Variants in PCNX3 observed in about 807,000 individuals in gnomAD.
PCNX3 encodes the protein pecanex-like protein 3.
A neutral mutation model predicts 207.2 loss-of-function variants in PCNX3; 58 were observed. That is an observed-to-expected ratio of 0.28 (90% confidence interval 0.23 to 0.35). PCNX3 has a LOEUF of 0.35. Among genes scored for constraint, PCNX3 ranks in the 10% least tolerant of loss-of-function variants. The pLI is 1.00. For missense variants in PCNX3, 2,410 were observed against 2,774.4 expected (o/e 0.87, Z 2.95); for synonymous variants, 1,337 against 1,183.5 (o/e 1.13, Z -2.66).
At position 65,627,554 on chromosome 11, in the gene PCNX3, A is replaced by G; in HGVS notation, c.3674A>G (p.Tyr1225Cys). The part of the protein sequence containing the change: ...PRLSQGFLLD[Y>C]FLMSLLCSKL... ...CTCTCCCAGGGCTTTCTGCTTGACTACTTCCTCATGTCCCTGCTTTGCAGC... is the reference window on the plus strand; with the variant it reads ...CTCTCCCAGGGCTTTCTGCTTGACTGCTTCCTCATGTCCCTGCTTTGCAGC... Residue 1225 changes from tyrosine (Y) to cysteine (C), a missense_variant, in exon 22 of 35, where the codon TAC becomes TGC. By Grantham distance (194) the Tyr-to-Cys change is radical (BLOSUM62 -2). This residue lies in a region of PCNX3 where 333 missense variants were observed against 386.8 expected (regional missense o/e 0.86). Coordinates refer to ENST00000355703, the MANE Select transcript of PCNX3 (RefSeq NM_032223.4). The G allele has an allele frequency of 1.9e-6, 3 of 1,613,670 alleles. No homozygotes were observed. The highest frequency in any genetic ancestry group is 2.5e-6 in the Non-Finnish European group (3 of 1,179,826).
chr11:65,636,626 G>T lies in PCNX3; in HGVS notation c.5829G>T (p.Gly1943=), dbSNP rs1285292127. The T allele has an allele frequency of 6.3e-7, 1 of 1,586,774 alleles. No individual in the cohort carries two copies. The highest frequency in any genetic ancestry group is 8.6e-7 in the Non-Finnish European group (1 of 1,168,798). The part of the protein sequence containing the change: ...SGKWSLGGRK[G]LGGSDGEPAS... ...AGTGGAGCCTGGGGGGCCGGAAGGG[G>T]CTGGGAGGATCTGACGGGGAGCCAG... Residue 1943 remains glycine, a synonymous_variant, in exon 34 of 35, where the codon GGG becomes GGT. Coordinates refer to ENST00000355703, the MANE Select transcript of PCNX3 (RefSeq NM_032223.4).
At position 65,617,245 on chromosome 11, in the gene PCNX3, G is replaced by T. The variant is rs371504980; in HGVS notation, c.342-5G>T. The stretch of plus-strand genomic sequence containing the variant: ...CTCAAAGCTGCTGCTCTTTTTCACC[G>T]CCAGGGACCCCGGAGTGGAGATGAC... On this transcript the variant is annotated splice_region_variant and splice_polypyrimidine_tract_variant and intron_variant, in intron 2 of 34. Transcript: ENST00000355703. The T allele has an allele frequency of 3.1e-6, 5 of 1,597,592 alleles. No individual in the cohort carries two copies. Among genetic ancestry groups the T allele is most frequent in the Non-Finnish European group, 3.4e-6 (4 of 1,172,266 alleles).
chr11:65,629,789 G>A (rs1855546664), intron 26 of PCNX3, 54 bp downstream of exon 26: 15 of 1,528,380 alleles, frequency 9.8e-6, no homozygotes, highest in Non-Finnish European at 1.3e-5. Flanking sequence ...CCTGATGTGG[G>A]AGCTGTGTTC....
chr11:65,635,477 C>T lies in PCNX3; in HGVS notation c.5184+29C>T. ...GGGCCGGCCCCACCTGCCCTAAGCC[C>T]TGCCCCAAACCCCCTTGGGCCGGCC... On this transcript the variant is annotated intron_variant, in intron 31 of 34. Coordinates refer to ENST00000355703, the MANE Select transcript of PCNX3 (RefSeq NM_032223.4). The surrounding 1 kb of genome is among the most constrained non-coding windows in gnomAD (Gnocchi z 9.9). 1 of 1,607,174 alleles carries T rather than the reference C, an allele frequency of 6.2e-7. No homozygotes were observed. Among genetic ancestry groups the T allele is most frequent in the Admixed American group, 1.7e-5 (1 of 59,638 alleles).
intron 11 of PCNX3, among the ~76,000 whole-genome samples, chr11:65,622,797 T>A (rs1855178283): frequency 6.6e-6 from 1 of 151,844 alleles, no homozygotes; most frequent in South Asian, 2.1e-4. Context: ...AGAGATGGGG[T>A]TTCACAGTGT....
In PCNX3 at chr11:65,616,285, G is replaced by T. The variant is rs772335580; in HGVS notation, c.-27G>T. ...CCGCCCCCATGAGGGTCCCGGGAGG[G>T]GGGGCGCGGGCAGCAGCGGCGGGGC... On this transcript the variant is annotated 5_prime_UTR_variant, in exon 1 of 35. Transcript: ENST00000355703. 1.6e-4 allele frequency: 253 copies of T among 1,540,554 alleles called. 1 individual carries two copies. Among genetic ancestry groups the T allele is most frequent in the Non-Finnish European group, 2.1e-4 (242 of 1,150,864 alleles).
intron 15 of PCNX3, 45 bp from the exon 16 acceptor site, chr11:65,624,880 G>A (rs777725569): frequency 2.6e-6 from 4 of 1,553,320 alleles, no homozygotes; most frequent in Non-Finnish European, 3.5e-6. Context: ...TTGAGGTGGG[G>A]TACCTGCAAG....
At position 65,637,116 on chromosome 11, in the gene PCNX3, C is replaced by T; in HGVS notation, c.*138C>T. 1.1e-6 allele frequency: 1 copy of T among 939,290 alleles called. No homozygotes were observed. Among genetic ancestry groups the T allele is most frequent in the Non-Finnish European group, 1.6e-6 (1 of 631,752 alleles). 58.2% of individuals were successfully genotyped at this position (939,290 alleles called of 1,614,324 possible). ...CCTTTGGCTGCCTTGGCCAGAGTAC[C>T]AAAACTGAGTGACCCAGACCTCTGA... On this transcript the variant is annotated 3_prime_UTR_variant, in exon 35 of 35. Coordinates refer to ENST00000355703, the MANE Select transcript of PCNX3 (RefSeq NM_032223.4).
At position 65,625,763 on chromosome 11, in the gene PCNX3, G is replaced by A. The variant is rs762088794; in HGVS notation, c.3228+19G>A. 26 of 1,603,408 alleles carry A rather than the reference G, an allele frequency of 1.6e-5. No individual in the cohort carries two copies. Among genetic ancestry groups the A allele is most frequent in the Non-Finnish European group, 2.2e-5 (26 of 1,176,828 alleles). On this transcript the variant is annotated intron_variant, in intron 19 of 34. Coordinates refer to ENST00000355703, the MANE Select transcript of PCNX3 (RefSeq NM_032223.4). The surrounding 1 kb of genome is among the most constrained non-coding windows in gnomAD (Gnocchi z 5.6). Reference sequence around the variant, plus strand: ...CCTGAAGGTTTGTGTGGCATGGGCCGCTGCTGCCTCTCGCTGTCTTGGCGG... The same window carrying A: ...CCTGAAGGTTTGTGTGGCATGGGCCACTGCTGCCTCTCGCTGTCTTGGCGG...
intron 9 of PCNX3, 21 bp from the exon 10 acceptor site, chr11:65,620,810 T>C (rs1382965624): frequency 3.1e-6 from 5 of 1,591,412 alleles, no homozygotes; most frequent in Middle Eastern, 1.7e-4. Flanking sequence ...GGGGGGATCC[T>C]GATGGCTGCT....
intron 21 of PCNX3, 73 bp downstream of exon 21, chr11:65,627,121 G>A (rs1257717342): frequency 3.5e-6 from 5 of 1,442,234 alleles, no homozygotes; most frequent in Non-Finnish European, 3.7e-6. Flanking sequence ...CTGAGGCCTA[G>A]AGAGGGAATG....
intron 1 of PCNX3, 66 bp from the exon 2 acceptor site, chr11:65,616,758 G>T: frequency 6.6e-7 from 1 of 1,521,670 alleles, no homozygotes; most frequent in Non-Finnish European, 8.9e-7. Flanking sequence ...CTATGATGTT[G>T]ATGGCAGGTA....
rs749099480 is a variant in PCNX3, at chr11:65,636,927, TGAG to T, written c.6058_6060del (p.Glu2020del). The T allele has an allele frequency of 2.6e-5, 40 of 1,563,016 alleles. No individual in the cohort carries two copies. Among genetic ancestry groups the T allele is most frequent in the South Asian group, 9.4e-5 (8 of 84,942 alleles). ...CCCTGGGCGACTGGCCTGCCCCTAT[TGAG>T]GAGCGTGAGAGCCCGGCAGCCCAGC... On this transcript the variant is annotated inframe_deletion, in exon 35 of 35. Coordinates refer to ENST00000355703, the MANE Select transcript of PCNX3 (RefSeq NM_032223.4).
In PCNX3 at chr11:65,619,660, G is replaced by A. The variant is rs1169350256; in HGVS notation, c.1829G>A (p.Ser610Asn). The A allele has an allele frequency of 1.9e-6, 3 of 1,595,584 alleles. No individual in the cohort carries two copies. The highest frequency in any genetic ancestry group is 2.5e-6 in the Non-Finnish European group (3 of 1,176,802). The part of the protein sequence containing the change: ...PPASVMGSPP[S>N]SLQEAQRGRA... ...GCCTCTGTCATGGGCTCGCCGCCCA[G>A]GTGAGCACCTTGCCAGCTGTGCCGA... Residue 610 changes from serine to asparagine, a missense_variant and splice_region_variant, in exon 7 of 35, where the codon AGC becomes AAC. Transcript: ENST00000355703.
At position 65,623,198 on chromosome 11, in the gene PCNX3, C is replaced by T. The variant is rs376959223; in HGVS notation, c.2358-293C>T. 4.1e-4 allele frequency among the ~76,000 whole-genome samples: 62 copies of T among 152,382 alleles called. 3 individuals are homozygous for T. The South Asian group carries it at 0.013, about 31-fold the overall frequency. On this transcript the variant is annotated intron_variant, in intron 11 of 34. Coordinates refer to ENST00000355703, the MANE Select transcript of PCNX3 (RefSeq NM_032223.4). ...GCACGATGTAGCCACGTGCAGTTAA[C>T]TCAGTCTCAGCTGGGGATGGATGAA...
At chr11:65,621,219 C>T (rs1039414940) in intron 10 of PCNX3, among the ~76,000 whole-genome samples, 1 of 152,164 alleles carries the variant, frequency 6.6e-6, no homozygotes, top group African/African-American at 2.4e-5. Context: ...TCTGGAGGGT[C>T]CCACAGTGAA....
At chr11:65,631,729 C>G (rs1192704756) in intron 27 of PCNX3, among the ~76,000 whole-genome samples, 2 of 151,668 alleles carry the variant, frequency 1.3e-5, no homozygotes, top group Admixed American at 6.6e-5. Flanking sequence ...GCCTGCTGAT[C>G]ACAGTGCAGG....
Position 65,616,959 on chromosome 11 carries a change from A to G in PCNX3, c.289A>G (p.Thr97Ala), listed in dbSNP as rs1854768580. The change falls in exon 2 of 35, where the codon ACC becomes GCC. Residue 97 changes from threonine (T) to alanine (A), a missense_variant. By Grantham distance (58) the Thr-to-Ala change is moderately conservative. Coordinates refer to ENST00000355703, the MANE Select transcript of PCNX3 (RefSeq NM_032223.4). ...CGAGATCGTGGAGAAGCGCAGCTCT[A>G]CCATGGGGGAGCTGGAGGAAGAGCC... ...QGEIVEKRSSTMGELEEEPAQ... is the reference protein window; with the variant it reads ...QGEIVEKRSSAMGELEEEPAQ... 1 of 1,613,170 alleles carries G rather than the reference A, an allele frequency of 6.2e-7. No homozygotes were observed. The highest frequency in any genetic ancestry group is 1.7e-5 in the Admixed American group (1 of 60,006).
At chr11:65,627,728 G>GTAACCCCTTCCTT in intron 22 of PCNX3, 146 bp downstream of exon 22, 1 of 1,014,860 alleles carries the variant, frequency 9.9e-7, no homozygotes, top group Non-Finnish European at 1.4e-6. Flanking sequence ...TCTCAAGGAA[G>GTAACCCCTTCCTT]GGGTTACTTC....
Sources: allele counts gnomAD v4.1 joint callset (sites outside exome capture counted in the v4.1 genomes callset), GRCh38; gene constraint gnomAD v4.1.1; regional missense constraint gnomAD v4.1.1; non-coding constraint Gnocchi (gnomAD v3.1); transcripts MANE v1.5; gene names NCBI Gene and HGNC (gene_info 2026-07-23, HGNC 2026-07-21).